Variants in PKNOX2 observed in about 807,000 individuals in gnomAD.
The protein encoded by PKNOX2 is homeobox protein PKNOX2.
In PKNOX2, 14 loss-of-function variants were observed where a neutral mutation model predicts 53.1. The ratio of observed to expected loss-of-function variants is 0.26; its 90% CI spans 0.17 to 0.41. PKNOX2 has a LOEUF of 0.41. Among genes scored for constraint, PKNOX2 ranks in the 10% least tolerant of loss-of-function variants. PKNOX2 has a pLI of 1.00. For missense variants in PKNOX2, 496 were observed against 602.8 expected, an observed-to-expected ratio of 0.82 and a Z score of 1.85; for synonymous variants, 257 against 242.8, an observed-to-expected ratio of 1.06 and a Z score of -0.54.
intron 4 of PKNOX2, among the ~76,000 whole-genome samples, chr11:125,358,922 T>A (rs1951766591): frequency 1.3e-5 from 2 of 151,890 alleles, no homozygotes; most frequent in South Asian, 4.2e-4. Flanking sequence ...GTGTTGCCGG[T>A]GTTGGGGTCC....
At chr11:125,210,631 C>T (rs1939723050) in intron 1 of PKNOX2, among the ~76,000 whole-genome samples, 2 of 152,062 alleles carry the variant, frequency 1.3e-5, no homozygotes, top group Non-Finnish European at 2.9e-5. Flanking sequence ...TTAGGGAGGT[C>T]AACTGTTTCT....
At position 125,429,105 on chromosome 11, in the gene PKNOX2, T is replaced by A. The variant is rs767504903; in HGVS notation, c.1013+17T>A. ...AAACAACTGGTGAGTTTGCATCACCTGCATGCAGGCTCCCAGATCCAGGGG... is the reference window on the plus strand; with the variant it reads ...AAACAACTGGTGAGTTTGCATCACCAGCATGCAGGCTCCCAGATCCAGGGG... On this transcript the variant is annotated intron_variant, in intron 11 of 12. Coordinates refer to ENST00000298282, the MANE Select transcript of PKNOX2 (RefSeq NM_001382323.2). 1.1e-5 allele frequency: 18 copies of A among 1,596,038 alleles called. No individual in the cohort carries two copies. The highest frequency in any genetic ancestry group is 1.5e-5 in the Non-Finnish European group (17 of 1,163,546).
At chr11:125,174,630 G>A (rs1955570379) in intron 1 of PKNOX2, among the ~76,000 whole-genome samples, 1 of 152,184 alleles carries the variant, frequency 6.6e-6, no homozygotes. Flanking sequence ...GTAGGCAGGT[G>A]AGTGGGTGGG....
At chr11:125,237,213 C>A (rs1393198006) in intron 2 of PKNOX2, among the ~76,000 whole-genome samples, 1 of 152,168 alleles carries the variant, frequency 6.6e-6, no homozygotes, top group Non-Finnish European at 1.5e-5. Flanking sequence ...AATATGGCAG[C>A]TTGATTCCAA....
intron 2 of PKNOX2, among the ~76,000 whole-genome samples, chr11:125,313,572 G>T (rs965729214): frequency 1.3e-5 from 2 of 152,118 alleles, no homozygotes; most frequent in Non-Finnish European, 1.5e-5. Flanking sequence ...TGAAGATAAA[G>T]CTCAAAGGAC....
chr11:125,315,434 T>C (rs1388342923), intron 2 of PKNOX2, among the ~76,000 whole-genome samples: 1 of 152,090 alleles, frequency 6.6e-6, no homozygotes, highest in Non-Finnish European at 1.5e-5. Flanking sequence ...TCTGCTACCT[T>C]GGACCACTTG....
intron 2 of PKNOX2, among the ~76,000 whole-genome samples, chr11:125,263,217 C>T (rs1050241614): frequency 6.6e-6 from 1 of 152,238 alleles, no homozygotes; most frequent in Non-Finnish European, 1.5e-5. Context: ...CCTTCAAGGA[C>T]ATGCCTCGGT....
intron 6 of PKNOX2, among the ~76,000 whole-genome samples, chr11:125,392,569 T>C (rs184026042): frequency 6.6e-6 from 1 of 152,378 alleles, no homozygotes; most frequent in Admixed American, 6.5e-5. Flanking sequence ...TTTTGGTCAC[T>C]GTGCACCAGA....
At chr11:125,261,458 T>A (rs887313291) in intron 2 of PKNOX2, among the ~76,000 whole-genome samples, 3 of 152,206 alleles carry the variant, frequency 2.0e-5, no homozygotes, top group Admixed American at 1.3e-4. Flanking sequence ...AGCACTGATT[T>A]GTCTCTGTTG....
intron 2 of PKNOX2, among the ~76,000 whole-genome samples, chr11:125,327,647 C>T (rs574424902): frequency 5.3e-5 from 8 of 152,240 alleles, no homozygotes; most frequent in Non-Finnish European, 7.3e-5. Flanking sequence ...GGAGGATGGC[C>T]GCGGCCATCA....
At chr11:125,408,939 T>A (rs893323442) in intron 7 of PKNOX2, among the ~76,000 whole-genome samples, 1 of 152,200 alleles carries the variant, frequency 6.6e-6, no homozygotes, top group Non-Finnish European at 1.5e-5. Flanking sequence ...TTTTGTCTAT[T>A]TCCTTGACCA....
chr11:125,212,545 C>G (rs1164878448), intron 1 of PKNOX2, among the ~76,000 whole-genome samples: 1 of 150,530 alleles, frequency 6.6e-6, no homozygotes, highest in Non-Finnish European at 1.5e-5. Flanking sequence ...ACCTCCGCCT[C>G]CCGGGTTCAA....
intron 1 of PKNOX2, among the ~76,000 whole-genome samples, chr11:125,231,739 T>C (rs897732016): frequency 3.3e-5 from 5 of 151,716 alleles, no homozygotes; most frequent in African/African-American, 1.2e-4. Flanking sequence ...TGTGTGTGTG[T>C]GGAGAGAGAG....
intron 7 of PKNOX2, among the ~76,000 whole-genome samples, chr11:125,401,217 A>AAG (rs1388744660): frequency 1.3e-5 from 2 of 152,132 alleles, no homozygotes; most frequent in African/African-American, 4.8e-5. Context: ...GGAAAAGAGC[A>AAG]AGAGAGAGAG....
chr11:125,382,525 T>C (rs951288493), intron 5 of PKNOX2, among the ~76,000 whole-genome samples: 3 of 152,204 alleles, frequency 2.0e-5, no homozygotes, highest in African/African-American at 4.8e-5. Flanking sequence ...TCCTAATTGA[T>C]CTAGTGGCTG....
At chr11:125,323,873 G>T (rs1949671923) in intron 2 of PKNOX2, among the ~76,000 whole-genome samples, 1 of 152,074 alleles carries the variant, frequency 6.6e-6, no homozygotes. Context: ...GTGTGTGTGT[G>T]TGTTGTCACT....
chr11:125,305,754 C>A (rs1027554255), intron 2 of PKNOX2, among the ~76,000 whole-genome samples: 1 of 152,134 alleles, frequency 6.6e-6, no homozygotes, highest in Admixed American at 6.5e-5. Flanking sequence ...AAGAGGCAAA[C>A]CGACTGAAGT....
chr11:125,204,323 G>A (rs1938811950), intron 1 of PKNOX2, among the ~76,000 whole-genome samples: 1 of 152,144 alleles, frequency 6.6e-6, no homozygotes, highest in Non-Finnish European at 1.5e-5. Flanking sequence ...GAGCCAGCTG[G>A]GCACCGTGTT....
At chr11:125,313,024 G>A (rs933448878) in intron 2 of PKNOX2, among the ~76,000 whole-genome samples, 8 of 152,206 alleles carry the variant, frequency 5.3e-5, no homozygotes, top group African/African-American at 1.2e-4. Flanking sequence ...CTGGAGGCCC[G>A]TGTCATGCTA....
Sources: allele counts gnomAD v4.1 joint callset (sites outside exome capture counted in the v4.1 genomes callset), GRCh38; gene constraint gnomAD v4.1.1; transcripts MANE v1.5; gene names NCBI Gene and HGNC (gene_info 2026-07-23, HGNC 2026-07-21).